The following CLEC16A variants were observed in gnomAD, a reference collection of about 807,000 sequenced individuals.
The protein encoded by CLEC16A is C-type lectin domain containing 16A.
CLEC16A carries 51 observed loss-of-function variants against 109.5 expected under a neutral mutation model. The observed-to-expected ratio is 0.47, with a 90% CI of 0.37 to 0.59. The LOEUF (loss-of-function observed/expected upper bound fraction) is 0.59, where lower values mean the gene tolerates loss of function less well. Ranked by LOEUF, CLEC16A falls within the 20% of genes least tolerant of loss-of-function variation. CLEC16A has a pLI of 0.00. For missense variants in CLEC16A, 1,339 were observed against 1,394.0 expected, an observed-to-expected ratio of 0.96 and a Z score of 0.63; for synonymous variants, 673 against 564.2, an observed-to-expected ratio of 1.19 and a Z score of -2.73.
intron 12 of CLEC16A, chr16:11,024,214 T>G (rs542224980): frequency 6.5e-6 from 1 of 152,904 alleles, no homozygotes; most frequent in South Asian, 2.1e-4. Flanking sequence ...CTGTGCTAAA[T>G]GCTTTTCAGT....
At chr16:11,054,035 C>T (rs975813093) in intron 18 of CLEC16A, among the ~76,000 whole-genome samples, 3 of 152,250 alleles carry the variant, frequency 2.0e-5, no homozygotes, top group Non-Finnish European at 4.4e-5. Flanking sequence ...GGCCCAGAGA[C>T]AGGTGGCACA....
chr16:11,001,710 C>T (rs894153418), intron 10 of CLEC16A, among the ~76,000 whole-genome samples: 1 of 152,164 alleles, frequency 6.6e-6, no homozygotes, highest in African/African-American at 2.4e-5. Flanking sequence ...GGCACGATCT[C>T]GCTCACTGAA....
chr16:11,082,736 C>T (rs2049796388), intron 19 of CLEC16A, among the ~76,000 whole-genome samples: 1 of 152,208 alleles, frequency 6.6e-6, no homozygotes. Flanking sequence ...GCCTAAGACT[C>T]ACAGCTGGCT....
rs373226647 is a variant in CLEC16A at position 11,051,654 on chromosome 16, A to C, written c.1995+13A>C. On this transcript the variant is annotated intron_variant, in intron 18 of 23. Coordinates refer to ENST00000409790, the MANE Select transcript of CLEC16A (RefSeq NM_015226.3). ...GAAGACCCGGCGGGTGAGTGAGCACAGGACCTGTCATCTCCTGGGCCACTG... is the reference window on the plus strand; with the variant it reads ...GAAGACCCGGCGGGTGAGTGAGCACCGGACCTGTCATCTCCTGGGCCACTG... 5.0e-6 allele frequency: 8 copies of C among 1,611,342 alleles called. No individual in the cohort carries two copies. In the African/African-American group the frequency reaches 1.1e-4, roughly 22 times the overall value.
chr16:10,955,743 G>T (rs150259762), intron 1 of CLEC16A, among the ~76,000 whole-genome samples: 1 of 152,186 alleles, frequency 6.6e-6, no homozygotes, highest in African/African-American at 2.4e-5. Flanking sequence ...ACAGAAGAGA[G>T]GAGGGAGAAT....
chr16:11,147,636 A>G (rs915021756), intron 22 of CLEC16A, among the ~76,000 whole-genome samples: 1 of 152,198 alleles, frequency 6.6e-6, no homozygotes. Flanking sequence ...AATACACTTA[A>G]AGTCCATGAA....
intron 20 of CLEC16A, 74 bp downstream of exon 20, chr16:11,120,840 C>G (rs148559638): frequency 6.8e-6 from 6 of 885,414 alleles, no homozygotes; most frequent in Middle Eastern, 5.8e-4. Flanking sequence ...ACACACACAC[C>G]ACACACAATT....
intron 14 of CLEC16A, 120 bp from the exon 15 acceptor site, chr16:11,042,134 G>T: frequency 1.5e-6 from 1 of 666,212 alleles, no homozygotes. Context: ...CTGGATGTTG[G>T]GAGCCATGAG....
At chr16:11,080,362 A>G (rs2049633891) in intron 19 of CLEC16A, among the ~76,000 whole-genome samples, 1 of 152,176 alleles carries the variant, frequency 6.6e-6, no homozygotes, top group Non-Finnish European at 1.5e-5. Flanking sequence ...AGGGACAAGA[A>G]TTGCTTCTGG....
chr16:10,979,442 C>A, intron 9 of CLEC16A, 60 bp downstream of exon 9: 1 of 1,486,220 alleles, frequency 6.7e-7, no homozygotes, highest in Non-Finnish European at 9.3e-7. Context: ...CGTGCCACTG[C>A]CTTGAAGAAA....
intron 17 of CLEC16A, among the ~76,000 whole-genome samples, chr16:11,049,241 C>T (rs925347188): frequency 2.0e-5 from 3 of 152,064 alleles, no homozygotes; most frequent in Admixed American, 6.6e-5. Context: ...CCCCTGACCT[C>T]GTGATCCGCC....
At chr16:11,027,814 G>C in intron 13 of CLEC16A, 2 of 796,618 alleles carry the variant, frequency 2.5e-6, no homozygotes, top group Non-Finnish European at 4.2e-6. Flanking sequence ...GTGGAAGCAT[G>C]TGTTTTGTTG....
intron 10 of CLEC16A, among the ~76,000 whole-genome samples, chr16:11,001,082 A>T (rs1377343120): frequency 6.6e-6 from 1 of 152,018 alleles, no homozygotes; most frequent in Admixed American, 6.6e-5. Flanking sequence ...GTCTGTTTGC[A>T]TGTCTATACC....
chr16:11,041,151 T>C (rs1432174448), intron 14 of CLEC16A: 1 of 152,258 alleles, frequency 6.6e-6, no homozygotes, highest in Admixed American at 6.5e-5. Flanking sequence ...AGTCTACCAC[T>C]ACCCAGCTAT....
At chr16:11,098,532 C>T (rs1173358904) in intron 19 of CLEC16A, among the ~76,000 whole-genome samples, 1 of 152,212 alleles carries the variant, frequency 6.6e-6, no homozygotes, top group African/African-American at 2.4e-5. Flanking sequence ...GTTAGTGTGG[C>T]CATCCATAAT....
In CLEC16A at chr16:11,181,378, G is replaced by C. The variant is rs201057504; in HGVS notation, c.*2688G>C. 1 of 152,404 alleles carries C rather than the reference G, an allele frequency of 6.6e-6. No individual in the cohort carries two copies. Among genetic ancestry groups the C allele is most frequent in the Non-Finnish European group, 1.5e-5 (1 of 68,182 alleles). The allele number at this position is 152,404 out of a possible 1,614,324, so 9.4% of individuals were successfully genotyped here. ...TCAGGTCATAGCCTCAGAGGTCTGA[G>C]GTCAGCCCCCACAGACCCATCCGGC... On this transcript the variant is annotated 3_prime_UTR_variant, in exon 24 of 24. Coordinates refer to ENST00000409790, the MANE Select transcript of CLEC16A (RefSeq NM_015226.3).
At chr16:11,134,201 T>C (rs1014655674) in intron 22 of CLEC16A, among the ~76,000 whole-genome samples, 1 of 151,250 alleles carries the variant, frequency 6.6e-6, no homozygotes, top group African/African-American at 2.4e-5. Flanking sequence ...TTTTTTTTTT[T>C]TTTGAAAGAA....
intron 11 of CLEC16A, among the ~76,000 whole-genome samples, chr16:11,017,678 G>A (rs1432823816): frequency 1.3e-5 from 2 of 152,160 alleles, no homozygotes; most frequent in African/African-American, 2.4e-5. Context: ...GATAGTATGT[G>A]CCCTGATAGG....
At chr16:11,170,852 A>T (rs2068480687) in intron 23 of CLEC16A, among the ~76,000 whole-genome samples, 1 of 152,220 alleles carries the variant, frequency 6.6e-6, no homozygotes, top group Non-Finnish European at 1.5e-5. Context: ...ACAAACCGTG[A>T]CAAAGGAAAG....
Sources: allele counts gnomAD v4.1 joint callset (sites outside exome capture counted in the v4.1 genomes callset), GRCh38; gene constraint gnomAD v4.1.1; transcripts MANE v1.5; gene names NCBI Gene and HGNC (gene_info 2026-07-23, HGNC 2026-07-21).